CALR3: variants seen among roughly 807,000 people sequenced by gnomAD.
CALR3 encodes the protein calreticulin 3.
CALR3 carries 39 observed loss-of-function variants against 48.7 expected under a neutral mutation model. The observed-to-expected ratio is 0.80, with a 90% CI of 0.62 to 1.05. CALR3 has a LOEUF of 1.05. Among genes scored for constraint, CALR3 ranks in the 50% least tolerant of loss-of-function variants. The pLI, the probability that CALR3 is intolerant of heterozygous loss-of-function variation, is 0.00. For synonymous variants in CALR3, 185 were observed against 172.7 expected (o/e 1.07, Z -0.56); for missense variants, 449 against 474.7 (o/e 0.95, Z 0.50).
At chr19:16,479,314 G>A (rs753101125) in intron 8 of CALR3, 40 bp from the exon 9 acceptor site, 50 of 1,611,128 alleles carry the variant, frequency 3.1e-5, no homozygotes, top group East Asian at 4.5e-5. Context: ...CACCGGGTGC[G>A]ATGGCTCGTG....
intron 3 of CALR3, among the ~76,000 whole-genome samples, chr19:16,486,222 GA>G (rs747544011): frequency 1.3e-5 from 2 of 151,788 alleles, no homozygotes; most frequent in Non-Finnish European, 2.9e-5. Flanking sequence ...AGGCTGAGGT[GA>G]GGGGATCACT....
At chr19:16,494,370 C>CA (rs1478884704) in intron 2 of CALR3, among the ~76,000 whole-genome samples, 1 of 144,084 alleles carries the variant, frequency 6.9e-6, no homozygotes, top group Non-Finnish European at 1.5e-5. Context: ...CCATATTTTT[C>CA]TTTTTTTTTG....
At chr19:16,493,945 C>T (rs1277664132) in intron 2 of CALR3, among the ~76,000 whole-genome samples, 1 of 152,138 alleles carries the variant, frequency 6.6e-6, no homozygotes, top group Non-Finnish European at 1.5e-5. Flanking sequence ...CCGGGCTGGT[C>T]TCAACCTCAA....
chr19:16,491,973 C>T (rs993996889), intron 2 of CALR3, among the ~76,000 whole-genome samples: 36 of 151,846 alleles, frequency 2.4e-4, no homozygotes, highest in African/African-American at 8.7e-4. Context: ...CGACTACAGG[C>T]GTGCGACACC....
chr19:16,484,951 G>C (rs1478431317), intron 4 of CALR3, among the ~76,000 whole-genome samples: 1 of 152,098 alleles, frequency 6.6e-6, no homozygotes, highest in Non-Finnish European at 1.5e-5. Flanking sequence ...TAAAAAATGA[G>C]AGTGCCCTCC....
intron 8 of CALR3, 114 bp downstream of exon 8, chr19:16,480,500 C>G: frequency 1.4e-6 from 1 of 725,940 alleles, no homozygotes; most frequent in Non-Finnish European, 2.5e-6. Flanking sequence ...TGCAGTGAGC[C>G]GAGACTATGC....
chr19:16,479,918 G>A (rs2093377822), intron 8 of CALR3, among the ~76,000 whole-genome samples: 1 of 151,668 alleles, frequency 6.6e-6, no homozygotes, highest in African/African-American at 2.4e-5. Context: ...AAGATTGCAT[G>A]TCCTGGCTGG....
At chr19:16,485,740 G>A (rs1256022546) in intron 3 of CALR3, among the ~76,000 whole-genome samples, 2 of 152,052 alleles carry the variant, frequency 1.3e-5, no homozygotes, top group Non-Finnish European at 2.9e-5. Context: ...TGCAGTCTCC[G>A]CCTCCCGGGT....
In CALR3 at chr19:16,489,070, TATTG is replaced by T. The variant is rs543270709; in HGVS notation, c.397+1293_397+1296del. 3.1e-3 allele frequency among the ~76,000 whole-genome samples: 479 copies of T among 152,352 alleles called. 3 individuals are homozygous for T. The highest frequency in any genetic ancestry group is 3.9e-3 in the Non-Finnish European group (266 of 68,030). On this transcript the variant is annotated intron_variant, in intron 3 of 8. Transcript: ENST00000269881. ...TCATGTATCACAAAATATCATCTTG[TATTG>T]ATTTTTTCCAACCAGTTAAAAACGT...
chr19:16,490,645 CT>C, intron 2 of CALR3, 75 bp from the exon 3 acceptor site: 3 of 1,257,768 alleles, frequency 2.4e-6, no homozygotes, highest in Non-Finnish European at 3.5e-6. Flanking sequence ...AATCGATGTC[CT>C]TCCCTTACTC....
intron 2 of CALR3, among the ~76,000 whole-genome samples, chr19:16,495,404 C>T (rs754168136): frequency 5.4e-5 from 8 of 149,228 alleles, no homozygotes; most frequent in Non-Finnish European, 1.0e-4. Flanking sequence ...ACTAAAAGTA[C>T]AAAAATTAGC....
Position 16,496,098 on chromosome 19 carries a change from A to G in CALR3, c.32T>C (p.Ile11Thr). The G allele has an allele frequency of 6.2e-7, 1 of 1,607,050 alleles. No homozygotes were observed. The highest frequency in any genetic ancestry group is 8.5e-7 in the Non-Finnish European group (1 of 1,176,932). The part of the protein sequence containing the change: MARALVQLWA[I>T]CMLRVALATV... The stretch of plus-strand genomic sequence containing the variant: ...AGCCAGCGCCACTCGCAGCATGCAT[A>G]TGGCCCAGAGCTGGACCAAAGCCCG... Residue 11 changes from isoleucine to threonine, a missense_variant, in exon 1 of 9, where the codon ATA becomes ACA. Coordinates refer to ENST00000269881, the MANE Select transcript of CALR3 (RefSeq NM_145046.5).
chr19:16,490,227 A>C (rs1373907056), intron 3 of CALR3, 140 bp downstream of exon 3: 2 of 719,256 alleles, frequency 2.8e-6, no homozygotes, highest in East Asian at 2.7e-5. Context: ...GATACACTCA[A>C]TACTACTACA....
intron 5 of CALR3, among the ~76,000 whole-genome samples, chr19:16,483,554 C>T (rs1392349534): frequency 6.6e-6 from 1 of 151,988 alleles, no homozygotes; most frequent in East Asian, 1.9e-4. Context: ...CCCATCTCTA[C>T]TAAAAATACA....
At position 16,482,881 on chromosome 19, in the gene CALR3, C is replaced by G. The variant is rs1706495660; in HGVS notation, c.679-96G>C. 4 of 1,179,474 alleles carry G rather than the reference C, an allele frequency of 3.4e-6. No homozygotes were observed. The African/African-American group carries it at 4.6e-5, about 13-fold the overall frequency. The allele number at this position is 1,179,474 out of a possible 1,614,324, so 73.1% of individuals were successfully genotyped here. A position where few individuals can be genotyped will look rare whatever the true frequency, so the allele number is the denominator to read the frequency against. The stretch of plus-strand genomic sequence containing the variant: ...TTGTTTCTTGAGACTAGGTTTTGCT[C>G]TCACCCAGGCTGGAGTGCGGTTGTG... On this transcript the variant is annotated intron_variant, in intron 5 of 8. Transcript: ENST00000269881.
Position 16,485,268 on chromosome 19 carries a change from G to T in CALR3, c.398-11C>A, listed in dbSNP as rs546157618. 40 of 1,529,828 alleles carry T rather than the reference G, an allele frequency of 2.6e-5. No individual in the cohort carries two copies. In the East Asian group the frequency reaches 9.0e-4, roughly 34 times the overall value. The allele number at this position is 1,529,828 out of a possible 1,614,324, so 94.8% of individuals were successfully genotyped here. A position where few individuals can be genotyped will look rare whatever the true frequency, so the allele number is the denominator to read the frequency against. On this transcript the variant is annotated splice_polypyrimidine_tract_variant and intron_variant, in intron 3 of 8. Coordinates refer to ENST00000269881, the MANE Select transcript of CALR3 (RefSeq NM_145046.5). ...CACAAATATCGGGTCCTACAAAAAA[G>T]ATTAGCTGCTCTCAATTTCTTTCCA...
intron 2 of CALR3, among the ~76,000 whole-genome samples, chr19:16,492,969 TGTG>T (rs1480473324): frequency 1.3e-5 from 2 of 151,908 alleles, no homozygotes; most frequent in Non-Finnish European, 2.9e-5. Flanking sequence ...AGGCGGAGGT[TGTG>T]GTGAGCAGAG....
chr19:16,490,668 T>C (rs935057052), intron 2 of CALR3, 98 bp from the exon 3 acceptor site: 2 of 1,065,564 alleles, frequency 1.9e-6, no homozygotes, highest in South Asian at 2.5e-5. Flanking sequence ...CAAACATAAA[T>C]GTCCTAACCA....
chr19:16,488,058 C>T (rs1261345910), intron 3 of CALR3, among the ~76,000 whole-genome samples: 1 of 152,078 alleles, frequency 6.6e-6, no homozygotes, highest in Non-Finnish European at 1.5e-5. Context: ...CGTGATCTGC[C>T]CACCTCGGCC....
Sources: allele counts gnomAD v4.1 joint callset (sites outside exome capture counted in the v4.1 genomes callset), GRCh38; gene constraint gnomAD v4.1.1; transcripts MANE v1.5; gene names NCBI Gene and HGNC (gene_info 2026-07-23, HGNC 2026-07-21).